Variants in MYH7 observed in about 807,000 individuals in gnomAD.
The protein encoded by MYH7 is myosin heavy chain 7, also known as myosin-7.
MYH7 carries 129 observed loss-of-function variants against 225.4 expected under a neutral mutation model. The ratio of observed to expected loss-of-function variants is 0.57; its 90% CI spans 0.50 to 0.66. The LOEUF is 0.66. MYH7 is among the 30% of genes least tolerant of loss of function. The pLI is 0.00. For synonymous variants in MYH7, 971 were observed against 1,007.6 expected, an observed-to-expected ratio of 0.96 and a Z score of 0.69; for missense variants, 1,649 against 2,517.0, an observed-to-expected ratio of 0.66 and a Z score of 7.38.
At position 23,425,121 on chromosome 14, in the gene MYH7, AC is replaced by A. The variant is rs1192737420; in HGVS notation, c.2424-98del. On this transcript the variant is annotated intron_variant, in intron 21 of 39. Coordinates refer to ENST00000355349, the MANE Select transcript of MYH7 (RefSeq NM_000257.4). The surrounding 1 kb of genome is among the most constrained non-coding windows in gnomAD (Gnocchi z 4.6). ...ATATCCCATTTCCTTCATCCCTCCC[AC>A]CCTTCCTGAGGCCTCTGACCCTGTG... 6.2e-7 allele frequency: 1 copy of A among 1,605,692 alleles called. No individual in the cohort carries two copies. Among genetic ancestry groups the A allele is most frequent in the Non-Finnish European group, 8.5e-7 (1 of 1,174,852 alleles).
rs2138646412 is a variant in MYH7, at chr14:23,417,529, C to G, written c.4327G>C (p.Asp1443His). The G allele has an allele frequency of 6.2e-7, 1 of 1,612,352 alleles. No homozygotes were observed. Among genetic ancestry groups the G allele is most frequent in the Non-Finnish European group, 8.5e-7 (1 of 1,180,046 alleles). The change falls in exon 31 of 40, where the codon GAC (aspartate) becomes CAC (histidine). Residue 1443 changes from aspartate (D) to histidine (H), a missense_variant. Asp to His is a moderately conservative substitution (Grantham distance 81). This residue lies in a region of MYH7 where 687 missense variants were observed against 913.8 expected (regional missense o/e 0.75). Transcript: ENST00000355349. ...ERSNAAAAAL[D>H]KKQRNFDKIL... The stretch of plus-strand genomic sequence containing the variant: ...TTGTCGAAGTTCCTCTGCTTCTTGT[C>G]CAGGGCTGCAGCAGCAGCATTGGAG...
rs7146601 is a variant in MYH7, at chr14:23,416,755, C to T, written c.4644+113G>A. 4,254 of 1,557,624 alleles carry T rather than the reference C, an allele frequency of 2.7e-3. 128 individuals are homozygous for T. The African/African-American group carries it at 0.05, about 18-fold the overall frequency. On this transcript the variant is annotated intron_variant, in intron 33 of 39. Transcript: ENST00000355349. Reference sequence around the variant, plus strand: ...ATGCCTACTATGTGCCAGGCTCTGTCCTAGGCTCTGGGGATGGGACAGTGA... The same window carrying T: ...ATGCCTACTATGTGCCAGGCTCTGTTCTAGGCTCTGGGGATGGGACAGTGA...
intron 39 of MYH7, 150 bp from the exon 40 acceptor site, chr14:23,413,021 C>T (rs1367845760): frequency 3.7e-6 from 3 of 813,066 alleles, no homozygotes; most frequent in Non-Finnish European, 6.2e-6. Flanking sequence ...CATGTGTTTC[C>T]AGGGATCGAT....
chr14:23,422,574 CCTTTCTTTCTTTCTTTCTTTCT>C (rs1892519973), intron 24 of MYH7, among the ~76,000 whole-genome samples: 1 of 146,788 alleles, frequency 6.8e-6, no homozygotes, highest in Non-Finnish European at 1.5e-5. Flanking sequence ...TCTTTCTTTC[CCTTTCTTTCTTTCTTTCTTTCT>C]CTCCTTTCTT....
rs111626355 is a variant in MYH7 at position 23,430,629 on chromosome 14, A to G, written c.930T>C (p.Tyr310=). 249 of 1,614,130 alleles carry G rather than the reference A, an allele frequency of 1.5e-4. 2 individuals carry two copies. The African/African-American group carries it at 3.0e-3, about 19-fold the overall frequency. Residue 310 remains tyrosine (Y), a synonymous_variant, in exon 11 of 40, where the codon TAT becomes TAC. Transcript: ENST00000355349. ...MLLITNNPYD[Y]AFISQGETTV... ...TGGTCTCTCCTTGGGAGATGAATGC[A>G]TAATCGTAGGGGTTGTTGGTGATCA...
In MYH7 at chr14:23,416,964, C is replaced by T; in HGVS notation, c.4548G>A (p.Leu1516=). ...QEEISDLTEQ[L]GSSGKTIHEL... is the part of the protein sequence containing the mutation. ...CATGGATAGTCTTTCCGCTGGAACC[C>T]AACTGCTCAGTCAAGTCGGAGATCT... The change falls in exon 33 of 40, where the codon TTG becomes TTA. Residue 1516 remains leucine (L), a synonymous_variant. Transcript: ENST00000355349. 1 of 1,614,238 alleles carries T rather than the reference C, an allele frequency of 6.2e-7. No homozygotes were observed. The highest frequency in any genetic ancestry group is 1.1e-5 in the South Asian group (1 of 91,086).
rs775803553 is a variant in MYH7 at position 23,415,380 on chromosome 14, C to T, written c.5283+1G>A. 9 of 1,614,098 alleles carry T rather than the reference C, an allele frequency of 5.6e-6. No individual in the cohort carries two copies. Among genetic ancestry groups the T allele is most frequent in the Admixed American group, 5.0e-5 (3 of 60,000 alleles). On this transcript the variant is annotated splice_donor_variant, in intron 36 of 39. Coordinates refer to ENST00000355349, the MANE Select transcript of MYH7 (RefSeq NM_000257.4). LOFTEE classifies it high-confidence loss of function. This position sits in a 1 kb window ranked among gnomAD's most constrained non-coding sequence, Gnocchi z 6.3. ...TCGGGTCGGTGGAGTGGGGGACTTA[C>T]ATCCGTGATGGCCTTCTTGGCCTTC...
chr14:23,423,475 A>ACACC, intron 24 of MYH7, 72 bp downstream of exon 24: 2 of 1,557,484 alleles, frequency 1.3e-6, no homozygotes, highest in East Asian at 4.5e-5. Context: ...ACACACACAC[A>ACACC]CACACACACA....
chr14:23,423,743 T>A lies in MYH7; in HGVS notation c.2923-20A>T. On this transcript the variant is annotated intron_variant, in intron 23 of 39. Coordinates refer to ENST00000355349, the MANE Select transcript of MYH7 (RefSeq NM_000257.4). ...TTTCACCTGCCGACCAAGAATCCCA[T>A]CTCCTTTAGGGTCAAAGGTCACCAG... The A allele has an allele frequency of 6.2e-7, 1 of 1,613,862 alleles. No homozygotes were observed. Among genetic ancestry groups the A allele is most frequent in the Admixed American group, 1.7e-5 (1 of 59,984 alleles).
Position 23,422,291 on chromosome 14 carries a change from C to T in MYH7, c.3134G>A (p.Arg1045His), listed in dbSNP as rs397516178. The change falls in exon 25 of 40, where the codon CGC (arginine) becomes CAC (histidine). Residue 1045 changes from arginine (R) to histidine (H), a missense_variant. Transcript: ENST00000355349. ...CCGCTTCGCTCGCTCCAGGTCCATG[C>T]GCACCTTCTTCTCTTGCTCCAGGGA... ...EGSLEQEKKV[R>H]MDLERAKRKL... is the part of the protein sequence containing the mutation. The T allele has an allele frequency of 1.3e-5, 21 of 1,614,052 alleles. No homozygotes were observed. The East Asian group carries it at 1.3e-4, about 10-fold the overall frequency.
chr14:23,431,490 A>G lies in MYH7; in HGVS notation c.733-9T>C, dbSNP rs944780538. ...ATTCGAATGAATTTCCCCTGGAGAG[A>G]TGGAAGAGAGTGGTGATGAGTTGGG... On this transcript the variant is annotated splice_polypyrimidine_tract_variant and intron_variant, in intron 8 of 39. Coordinates refer to ENST00000355349, the MANE Select transcript of MYH7 (RefSeq NM_000257.4). The G allele has an allele frequency of 5.0e-6, 8 of 1,614,002 alleles. No individual in the cohort carries two copies. The highest frequency in any genetic ancestry group is 1.3e-5 in the African/African-American group (1 of 74,906).
chr14:23,419,114 T>G (rs1892354457), intron 29 of MYH7, 63 bp downstream of exon 29: 4 of 1,397,462 alleles, frequency 2.9e-6, no homozygotes, highest in Non-Finnish European at 4.1e-6. Context: ...AGGGAAGTGA[T>G]TTGATGCAAG....
In MYH7 at chr14:23,413,763, G is replaced by A. The variant is rs730880918; in HGVS notation, c.5786C>T (p.Thr1929Met). 3.2e-5 allele frequency: 52 copies of A among 1,613,950 alleles called. No individual in the cohort carries two copies. Among genetic ancestry groups the A allele is most frequent in the Non-Finnish European group, 3.7e-5 (44 of 1,180,046 alleles). The change falls in exon 39 of 40, where the codon ACG becomes ATG. Residue 1929 changes from threonine (T) to methionine (M), a missense_variant. Physicochemically the swap from Thr to Met is moderately conservative, Grantham distance 81 (BLOSUM62 -1). Around this residue, in one of 12 missense-constraint regions of MYH7, gnomAD observed 687 missense variants for 913.8 expected, o/e 0.75. Coordinates refer to ENST00000355349, the MANE Select transcript of MYH7 (RefSeq NM_000257.4). ...AAGCCCAAAAGAGGGACCCACCTTCGTGCCAATGTCACGGCTCTTGGCCCG... is the reference window on the plus strand; with the variant it reads ...AAGCCCAAAAGAGGGACCCACCTTCATGCCAATGTCACGGCTCTTGGCCCG... Reference protein sequence around the residue: ...KLRAKSRDIGTKGLNEE With the variant: ...KLRAKSRDIGMKGLNEE
Position 23,415,783 on chromosome 14 carries a change from T to C in MYH7, c.5003A>G (p.Lys1668Arg), listed in dbSNP as rs1455202717. Reference sequence around the variant, plus strand: ...CCGCTCCACGATGGCGATGTTCTCCTTCAGGTCGTCGTTGGCACGGACTGC... The same window carrying C: ...CCGCTCCACGATGGCGATGTTCTCCCTCAGGTCGTCGTTGGCACGGACTGC... ...DDAVRANDDL[K>R]ENIAIVERRN... The change falls in exon 35 of 40, where the codon AAG becomes AGG. Residue 1668 changes from lysine to arginine, a missense_variant. Transcript: ENST00000355349. The surrounding 1 kb of genome is among the most constrained non-coding windows in gnomAD (Gnocchi z 6.3). 2 of 1,614,190 alleles carry C rather than the reference T, an allele frequency of 1.2e-6. No individual in the cohort carries two copies. The highest frequency in any genetic ancestry group is 4.5e-5 in the East Asian group (2 of 44,876).
chr14:23,414,865 A>G (rs1024821485), intron 37 of MYH7, 130 bp downstream of exon 37: 1 of 1,511,762 alleles, frequency 6.6e-7, no homozygotes, highest in Middle Eastern at 1.7e-4. Flanking sequence ...AGGGCTAGGC[A>G]AAGTGAAACG....
intron 12 of MYH7, among the ~76,000 whole-genome samples, chr14:23,429,565 A>G (rs549513961): frequency 1.6e-3 from 240 of 151,422 alleles, no homozygotes; most frequent in African/African-American, 4.9e-3. Context: ...AATTCCAGCT[A>G]CTCGGGAGGC....
In MYH7 at chr14:23,415,437, C is replaced by T; in HGVS notation, c.5227G>A (p.Glu1743Lys). ...DLSQLQTEVE[E>K]AVQECRNAEE... Reference sequence around the variant, plus strand: ...GCATTCCTGCACTCCTGCACTGCCTCCTCCACTTCAGTCTGGAGCTGGGAC... The same window carrying T: ...GCATTCCTGCACTCCTGCACTGCCTTCTCCACTTCAGTCTGGAGCTGGGAC... Residue 1743 changes from glutamate (E) to lysine (K), a missense_variant, in exon 36 of 40, where the codon GAG becomes AAG. Around this residue, in one of 12 missense-constraint regions of MYH7, gnomAD observed 687 missense variants for 913.8 expected, o/e 0.75. Coordinates refer to ENST00000355349, the MANE Select transcript of MYH7 (RefSeq NM_000257.4). This position sits in a 1 kb window ranked among gnomAD's most constrained non-coding sequence, Gnocchi z 6.3. 6.2e-7 allele frequency: 1 copy of T among 1,614,260 alleles called. No homozygotes were observed. Among genetic ancestry groups the T allele is most frequent in the Non-Finnish European group, 8.5e-7 (1 of 1,180,050 alleles).
Position 23,433,590 on chromosome 14 carries a change from T to C in MYH7, c.143A>G (p.Lys48Arg). The C allele has an allele frequency of 6.2e-7, 1 of 1,614,242 alleles. No individual in the cohort carries two copies. The highest frequency in any genetic ancestry group is 8.5e-7 in the Non-Finnish European group (1 of 1,180,042). The part of the protein sequence containing the change: ...FVPDDKQEFV[K>R]AKIVSREGGK... ...ACCCTCTCGAGACACGATCTTGGCC[T>C]TGACAAACTCCTGTTTGTCATCAGG... The change falls in exon 3 of 40, where the codon AAG becomes AGG. Residue 48 changes from lysine to arginine, a missense_variant. By Grantham distance (26) the Lys-to-Arg change is conservative. Coordinates refer to ENST00000355349, the MANE Select transcript of MYH7 (RefSeq NM_000257.4). The surrounding 1 kb of genome is among the most constrained non-coding windows in gnomAD (Gnocchi z 4.1).
intron 4 of MYH7, 97 bp from the exon 5 acceptor site, chr14:23,432,892 A>G (rs1179917915): frequency 6.4e-7 from 1 of 1,556,358 alleles, no homozygotes; most frequent in African/African-American, 1.4e-5. Flanking sequence ...AAAGAAGAGA[A>G]AGGAAAACCT....
Sources: gnomAD v4.1 joint callset for allele counts (sites outside exome capture counted in the v4.1 genomes callset) on GRCh38, gnomAD v4.1.1 for gene constraint, gnomAD v4.1.1 regional missense constraint, Gnocchi (gnomAD v3.1) non-coding constraint, MANE v1.5 for transcripts, NCBI Gene and HGNC (gene_info 2026-07-23, HGNC 2026-07-21) for gene names.